COL12A1: variants seen among roughly 807,000 people sequenced by gnomAD.
The protein encoded by COL12A1 is collagen alpha-1(XII) chain.
A neutral mutation model predicts 349.7 loss-of-function variants in COL12A1; 114 were observed. The observed-to-expected ratio is 0.33, with a 90% CI of 0.28 to 0.38. COL12A1 has a LOEUF of 0.38. COL12A1 is among the 10% of genes least tolerant of loss of function. COL12A1 has a pLI of 1.00. For missense variants in COL12A1, 3,284 were observed against 3,756.9 expected, an observed-to-expected ratio of 0.87 and a Z score of 3.29; for synonymous variants, 1,369 against 1,329.0, an observed-to-expected ratio of 1.03 and a Z score of -0.66.
At position 75,202,825 on chromosome 6, in the gene COL12A1, G is replaced by A; in HGVS notation, c.-33C>T. On this transcript the variant is annotated splice_region_variant and 5_prime_UTR_variant, in exon 2 of 66. Transcript: ENST00000322507. ...CTCCGAGCTTACAGCGGCATGAAGA[G>A]ATCTGCGGGAGGAAGTAGTGACTGC... 1 of 1,546,842 alleles carries A rather than the reference G, an allele frequency of 6.5e-7. No individual in the cohort carries two copies. Among genetic ancestry groups the A allele is most frequent in the Non-Finnish European group, 8.8e-7 (1 of 1,142,632 alleles).
At chr6:75,106,363 G>A in intron 53 of COL12A1, 56 bp downstream of exon 53, 1 of 1,433,426 alleles carries the variant, frequency 7.0e-7, no homozygotes, top group Non-Finnish European at 9.8e-7. Context: ...AGGCACAAGG[G>A]TTTATTACTG....
At chr6:75,192,439 CA>C in intron 3 of COL12A1, 84 bp from the exon 4 acceptor site, 1 of 1,261,796 alleles carries the variant, frequency 7.9e-7, no homozygotes, top group Non-Finnish European at 1.1e-6. Flanking sequence ...CAGAGGTACT[CA>C]AAATCTGAAA....
Position 75,125,293 on chromosome 6 carries a change from A to C in COL12A1, c.6461-20T>G. 2 of 1,578,596 alleles carry C rather than the reference A, an allele frequency of 1.3e-6. No homozygotes were observed. Among genetic ancestry groups the C allele is most frequent in the Non-Finnish European group, 1.7e-6 (2 of 1,162,300 alleles). ...TGGAACCTTTATTAACAACCACAAAAATACACAGAAACATGCCATCAATAG... is the reference window on the plus strand; with the variant it reads ...TGGAACCTTTATTAACAACCACAAACATACACAGAAACATGCCATCAATAG... On this transcript the variant is annotated intron_variant, in intron 39 of 65. Transcript: ENST00000322507.
chr6:75,097,791 C>T (rs181201419), intron 58 of COL12A1, among the ~76,000 whole-genome samples: 1 of 152,302 alleles, frequency 6.6e-6, no homozygotes, highest in African/African-American at 2.4e-5. Flanking sequence ...GTGGCAGAGT[C>T]TTCCTTTGTC....
intron 1 of COL12A1, among the ~76,000 whole-genome samples, chr6:75,204,691 T>G (rs1049866592): frequency 1.3e-5 from 2 of 152,012 alleles, no homozygotes; most frequent in Non-Finnish European, 2.9e-5. Flanking sequence ...GGGGGCTAAG[T>G]GGACTCGTCC....
intron 58 of COL12A1, 110 bp from the exon 59 acceptor site, chr6:75,097,416 A>G (rs933460263): frequency 4.1e-6 from 3 of 735,420 alleles, no homozygotes; most frequent in Non-Finnish European, 6.8e-6. Context: ...ATTTAGCCCA[A>G]CATGCTGTTT....
chr6:75,105,674 T>C (rs1160474259), intron 53 of COL12A1, among the ~76,000 whole-genome samples: 1 of 152,216 alleles, frequency 6.6e-6, no homozygotes, highest in Non-Finnish European at 1.5e-5. Context: ...TTCAGGTCTC[T>C]GCTTAAATCT....
At chr6:75,163,807 C>T (rs945562664) in intron 14 of COL12A1, among the ~76,000 whole-genome samples, 1 of 152,102 alleles carries the variant, frequency 6.6e-6, no homozygotes, top group African/African-American at 2.4e-5. Flanking sequence ...ACCATATTTG[C>T]TTTTGGCGAC....
intron 63 of COL12A1, among the ~76,000 whole-genome samples, 183 bp downstream of exon 63, chr6:75,089,927 C>T (rs1767676784): frequency 6.6e-6 from 1 of 152,136 alleles, no homozygotes; most frequent in South Asian, 2.1e-4. Flanking sequence ...TAAAAACATA[C>T]CATTTTTCTA....
intron 55 of COL12A1, 97 bp downstream of exon 55, chr6:75,103,660 T>G: frequency 1.1e-6 from 1 of 946,278 alleles, no homozygotes; most frequent in Non-Finnish European, 1.7e-6. Flanking sequence ...GAACCTGAGC[T>G]GACTTGCTCA....
intron 21 of COL12A1, among the ~76,000 whole-genome samples, chr6:75,149,640 A>G (rs1295269478): frequency 6.6e-6 from 1 of 152,168 alleles, no homozygotes; most frequent in Non-Finnish European, 1.5e-5. Context: ...GATTAATCCA[A>G]TAACTCCATA....
intron 2 of COL12A1, among the ~76,000 whole-genome samples, chr6:75,201,089 T>G (rs1291207698): frequency 2.0e-5 from 3 of 152,206 alleles, no homozygotes; most frequent in Non-Finnish European, 4.4e-5. Flanking sequence ...TCAGAATCAA[T>G]TTTTTCCACT....
chr6:75,151,900 G>T lies in COL12A1; in HGVS notation c.3967C>A (p.Leu1323Ile). The T allele has an allele frequency of 6.2e-7, 1 of 1,613,726 alleles. No individual in the cohort carries two copies. Among genetic ancestry groups the T allele is most frequent in the East Asian group, 2.2e-5 (1 of 44,878 alleles). The change falls in exon 20 of 66, where the codon CTC becomes ATC. Residue 1323 changes from leucine to isoleucine, a missense_variant. By Grantham distance (5) the Leu-to-Ile change is conservative (BLOSUM62 2). Around this residue, in one of 2 missense-constraint regions of COL12A1, gnomAD observed 2,601 missense variants for 2,824.8 expected, o/e 0.92. Coordinates refer to ENST00000322507, the MANE Select transcript of COL12A1 (RefSeq NM_004370.6). ...AACAGCTCCACTCCCTCATCCTTGAGTTTCTTTGAAGGTGCTTCAACATCG... is the reference window on the plus strand; with the variant it reads ...AACAGCTCCACTCCCTCATCCTTGATTTTCTTTGAAGGTGCTTCAACATCG... ...QDDVEAPSKK[L>I]KDEGVELFAI...
chr6:75,107,990 A>C (rs1768647141), intron 52 of COL12A1, among the ~76,000 whole-genome samples: 1 of 152,230 alleles, frequency 6.6e-6, no homozygotes, highest in African/African-American at 2.4e-5. Flanking sequence ...AAATTAAATA[A>C]ATAAAGCCAT....
chr6:75,113,839 CTT>C, intron 49 of COL12A1, 95 bp from the exon 50 acceptor site: 1 of 930,932 alleles, frequency 1.1e-6, no homozygotes, highest in Admixed American at 2.9e-5. Context: ...AACAGATACT[CTT>C]TTAAATCTTT....
chr6:75,160,547 G>T (rs1285711143), intron 14 of COL12A1, among the ~76,000 whole-genome samples: 1 of 152,166 alleles, frequency 6.6e-6, no homozygotes, highest in Non-Finnish European at 1.5e-5. Context: ...AGTGGTGGTA[G>T]AACAAAGAAA....
At chr6:75,203,688 A>G (rs1770638320) in intron 1 of COL12A1, among the ~76,000 whole-genome samples, 1 of 152,224 alleles carries the variant, frequency 6.6e-6, no homozygotes. Context: ...AATCTTATTC[A>G]TCTTTGTGGT....
chr6:75,092,401 C>T (rs570870921), intron 60 of COL12A1, among the ~76,000 whole-genome samples: 2 of 152,114 alleles, frequency 1.3e-5, no homozygotes, highest in East Asian at 1.9e-4. Flanking sequence ...TATTAAATAA[C>T]TCAATCTGAT....
At chr6:75,086,617 T>A (rs751511814) in intron 65 of COL12A1, 60 bp from the exon 66 acceptor site, 1 of 1,321,608 alleles carries the variant, frequency 7.6e-7, no homozygotes, top group Admixed American at 1.8e-5. Flanking sequence ...AAAATATAAA[T>A]ACACATCCAT....
Sources: allele counts gnomAD v4.1 joint callset (sites outside exome capture counted in the v4.1 genomes callset), GRCh38; gene constraint gnomAD v4.1.1; regional missense constraint gnomAD v4.1.1; transcripts MANE v1.5; gene names NCBI Gene and HGNC (gene_info 2026-07-23, HGNC 2026-07-21).